The following LRRC32 variants were observed in gnomAD, a reference collection of about 807,000 sequenced individuals.
LRRC32 encodes leucine rich repeat containing 32.
Under a neutral mutation model 15.0 loss-of-function variants are expected in LRRC32, and 5 were observed. The observed-to-expected ratio is 0.33, with a 90% CI of 0.17 to 0.70. The LOEUF (loss-of-function observed/expected upper bound fraction) is 0.70. Ranked by LOEUF, LRRC32 falls within the 30% of genes least tolerant of loss-of-function variation. The pLI is 0.66. For synonymous variants in LRRC32, 391 were observed against 403.9 expected (o/e 0.97, Z 0.38); for missense variants, 803 against 854.2 (o/e 0.94, Z 0.75).
At position 76,669,094 on chromosome 11, in the gene LRRC32, G is replaced by T. The variant is rs531329375; in HGVS notation, c.-5+1520C>A. 2.0e-5 allele frequency among the ~76,000 whole-genome samples: 3 copies of T among 152,352 alleles called. No homozygotes were observed. In the East Asian group the frequency reaches 5.8e-4, roughly 29 times the overall value. On this transcript the variant is annotated intron_variant, in intron 1 of 2. Transcript: ENST00000260061. ...TTGGTGCCCCAGTGTCCTGTCTGCA[G>T]GGTAGGCAGCTGGGTTCCAGTTCTG... is the stretch of plus-strand genomic sequence containing the variant.
chr11:76,666,711 G>A (rs1952632580), intron 1 of LRRC32, among the ~76,000 whole-genome samples: 1 of 152,196 alleles, frequency 6.6e-6, no homozygotes, highest in Admixed American at 6.5e-5. Context: ...CCCTTAGCAG[G>A]GTTAAATCCC....
Position 76,660,721 on chromosome 11 carries a change from T to C in LRRC32, c.872A>G (p.His291Arg), listed in dbSNP as rs1220759734. ...GGCTGACCAGCCCTCGGAAGGTGCG[T>C]GGATGCCCTTGCTGTCCTGGGGTGG... The part of the protein sequence containing the change: ...TGPPQDSKGI[H>R]APSEGWSALP... The change falls in exon 3 of 3, where the codon CAC (histidine) becomes CGC (arginine). Residue 291 changes from histidine to arginine, a missense_variant. Transcript: ENST00000260061. 1 of 1,613,814 alleles carries C rather than the reference T, an allele frequency of 6.2e-7. No individual in the cohort carries two copies. The highest frequency in any genetic ancestry group is 2.2e-5 in the East Asian group (1 of 44,842).
Position 76,659,962 on chromosome 11 carries a change from C to T in LRRC32, c.1631G>A (p.Arg544Gln), listed in dbSNP as rs1262360463. The T allele has an allele frequency of 1.9e-6, 3 of 1,614,060 alleles. No homozygotes were observed. The highest frequency in any genetic ancestry group is 1.1e-5 in the South Asian group (1 of 91,074). Residue 544 changes from arginine (R) to glutamine (Q), a missense_variant, in exon 3 of 3, where the codon CGA becomes CAA. Arg to Gln is a conservative substitution (Grantham distance 43). Transcript: ENST00000260061. The part of the protein sequence containing the change: ...QAVSLEVLDL[R>Q]NNSFSLLPGS... ...TGGCAGGAGGCTGAAGCTGTTGTTTCGCAGGTCCAGCACCTCCAGTGACAC... is the reference window on the plus strand; with the variant it reads ...TGGCAGGAGGCTGAAGCTGTTGTTTTGCAGGTCCAGCACCTCCAGTGACAC...
chr11:76,660,841 C>T lies in LRRC32; in HGVS notation c.752G>A (p.Arg251Gln), dbSNP rs141823453. The T allele has an allele frequency of 1.8e-4, 283 of 1,613,998 alleles. 1 individual carries two copies. The highest frequency in any genetic ancestry group is 2.3e-4 in the Non-Finnish European group (267 of 1,180,038). ...GGGGAAATGGAGCAGTTTGTTCTCCCGCAGGTCAAGCCAGGTGAGCTGGAA... is the reference window on the plus strand; with the variant it reads ...GGGGAAATGGAGCAGTTTGTTCTCCTGCAGGTCAAGCCAGGTGAGCTGGAA... Reference protein sequence around the residue: ...AEFQLTWLDLRENKLLHFPDL... With the variant: ...AEFQLTWLDLQENKLLHFPDL... The change falls in exon 3 of 3, where the codon CGG becomes CAG. Residue 251 changes from arginine to glutamine, a missense_variant. Transcript: ENST00000260061.
intron 2 of LRRC32, among the ~76,000 whole-genome samples, chr11:76,665,079 G>A (rs1334618313): frequency 1.3e-5 from 2 of 152,240 alleles, no homozygotes. Context: ...GGCCTTACAA[G>A]TGGATCTAGG....
At position 76,660,313 on chromosome 11, in the gene LRRC32, C is replaced by T. The variant is rs1189658510; in HGVS notation, c.1280G>A (p.Gly427Glu). The T allele has an allele frequency of 3.1e-6, 5 of 1,598,730 alleles. No individual in the cohort carries two copies. Among genetic ancestry groups the T allele is most frequent in the Admixed American group, 1.7e-5 (1 of 57,432 alleles). Residue 427 changes from glycine to glutamate, a missense_variant, in exon 3 of 3, where the codon GGG becomes GAG. Coordinates refer to ENST00000260061, the MANE Select transcript of LRRC32 (RefSeq NM_001128922.2). ...LQGNRVSPCG[G>E]PDEPGPSGCV... ...GCCGGAGGGGCCAGGCTCATCTGGC[C>T]CCCCACAGGGGCTGACTCGGTTCCC...
At position 76,659,535 on chromosome 11, in the gene LRRC32, C is replaced by T; in HGVS notation, c.*69G>A. 6.6e-7 allele frequency: 1 copy of T among 1,508,264 alleles called. No homozygotes were observed. The highest frequency in any genetic ancestry group is 9.0e-7 in the Non-Finnish European group (1 of 1,110,280). The allele number at this position is 1,508,264 out of a possible 1,614,324, so 93.4% of individuals were successfully genotyped here. ...CTGGGATCCCGGATCACTGTGTGAC[C>T]TTGAGTCAGTCCTCACTCTTCTCTG... On this transcript the variant is annotated 3_prime_UTR_variant, in exon 3 of 3. Coordinates refer to ENST00000260061, the MANE Select transcript of LRRC32 (RefSeq NM_001128922.2).
At position 76,659,887 on chromosome 11, in the gene LRRC32, T is replaced by C. The variant is rs1590762566; in HGVS notation, c.1706A>G (p.Gln569Arg). Residue 569 changes from glutamine (Q) to arginine (R), a missense_variant, in exon 3 of 3, where the codon CAG becomes CGG. By Grantham distance (43) the Gln-to-Arg change is conservative. Coordinates refer to ENST00000260061, the MANE Select transcript of LRRC32 (RefSeq NM_001128922.2). ...GCCGCAGCAGCTGAGTGGATTCCCC[T>C]GCAGGTAGAGGCGCCGGAGGCTGGT... Reference protein sequence around the residue: ...LETSLRRLYLQGNPLSCCGNG... With the variant: ...LETSLRRLYLRGNPLSCCGNG... 6.2e-7 allele frequency: 1 copy of C among 1,613,942 alleles called. No homozygotes were observed. Among genetic ancestry groups the C allele is most frequent in the Admixed American group, 1.7e-5 (1 of 60,030 alleles).
rs533407564 is a variant in LRRC32 at position 76,665,925 on chromosome 11, G to A, written c.30C>T (p.Ala10=). MRPQILLLL[A]LLTLGLAAQH... is the part of the protein sequence containing the mutation. ...GTGCAGCCAGGCCTAGGGTCAGCAG[G>A]GCCAGGAGCAGCAGGATCTGGGGTC... Residue 10 remains alanine (A), a synonymous_variant, in exon 2 of 3, where the codon GCC becomes GCT. Coordinates refer to ENST00000260061, the MANE Select transcript of LRRC32 (RefSeq NM_001128922.2). 4 of 1,614,050 alleles carry A rather than the reference G, an allele frequency of 2.5e-6. No homozygotes were observed. The highest frequency in any genetic ancestry group is 2.7e-5 in the African/African-American group (2 of 75,008).
chr11:76,668,459 C>T (rs1952660486), intron 1 of LRRC32, among the ~76,000 whole-genome samples: 1 of 152,122 alleles, frequency 6.6e-6, no homozygotes, highest in Admixed American at 6.5e-5. Flanking sequence ...AGGCTATCCA[C>T]AGTCTCCTCT....
Position 76,659,996 on chromosome 11 carries a change from T to C in LRRC32, c.1597A>G (p.Thr533Ala). Reference sequence around the variant, plus strand: ...AGCACCTCCAGTGACACAGCCTGTGTCCAGGCGGGAAGGTGGCTCAGGCGG... The same window carrying C: ...AGCACCTCCAGTGACACAGCCTGTGCCCAGGCGGGAAGGTGGCTCAGGCGG... ...ENRLSHLPAWTQAVSLEVLDL... is the reference protein window; with the variant it reads ...ENRLSHLPAWAQAVSLEVLDL... Residue 533 changes from threonine (T) to alanine (A), a missense_variant, in exon 3 of 3, where the codon ACA becomes GCA. Transcript: ENST00000260061. 1.2e-6 allele frequency: 2 copies of C among 1,614,098 alleles called. No homozygotes were observed. Among genetic ancestry groups the C allele is most frequent in the Non-Finnish European group, 1.7e-6 (2 of 1,180,028 alleles).
In LRRC32 at chr11:76,661,089, G is replaced by A. The variant is rs1196167392; in HGVS notation, c.504C>T (p.Thr168=). 12 of 1,613,996 alleles carry A rather than the reference G, an allele frequency of 7.4e-6. No homozygotes were observed. Among genetic ancestry groups the A allele is most frequent in the Non-Finnish European group, 1.0e-5 (12 of 1,180,022 alleles). Residue 168 remains threonine (T), a synonymous_variant, in exon 3 of 3, where the codon ACC becomes ACT. Transcript: ENST00000260061. The stretch of plus-strand genomic sequence containing the variant: ...GCTCCAGCGCAGGCATGTCCCGGAA[G>A]GTGTGGCGGGTGAGGCGAGTCAGAC... ...ENSLTRLTRH[T]FRDMPALEQL... is the part of the protein sequence containing the mutation.
At chr11:76,670,281 G>T (rs575925379) in intron 1 of LRRC32, among the ~76,000 whole-genome samples, 8 of 152,354 alleles carry the variant, frequency 5.3e-5, no homozygotes, top group Non-Finnish European at 1.2e-4. Flanking sequence ...GGATCGGAGC[G>T]TTGCAGGAAA....
intron 1 of LRRC32, among the ~76,000 whole-genome samples, chr11:76,667,198 T>G (rs1321695946): frequency 2.6e-5 from 4 of 152,180 alleles, no homozygotes; most frequent in Non-Finnish European, 5.9e-5. Flanking sequence ...TCACAAAAAT[T>G]CAATGACTTG....
chr11:76,664,547 G>A (rs1413675221), intron 2 of LRRC32, among the ~76,000 whole-genome samples: 2 of 152,198 alleles, frequency 1.3e-5, no homozygotes, highest in Non-Finnish European at 2.9e-5. Flanking sequence ...GATCATGGGA[G>A]GAAAGCAGAG....
Position 76,658,460 on chromosome 11 carries a change from G to C in LRRC32, c.*1144C>G, listed in dbSNP as rs531187927. 3.9e-5 allele frequency: 6 copies of C among 152,534 alleles called. No individual in the cohort carries two copies. The highest frequency in any genetic ancestry group is 2.6e-4 in the Admixed American group (4 of 15,312). The allele number at this position is 152,534 out of a possible 1,614,324, so 9.4% of individuals were successfully genotyped here. A position where few individuals can be genotyped will look rare whatever the true frequency, so the allele number is the denominator to read the frequency against. ...GAGAGAGCAGGTGTGCACAGCACAGGATGCTTCCAGACCCTGCTCGGGCTA... is the reference window on the plus strand; with the variant it reads ...GAGAGAGCAGGTGTGCACAGCACAGCATGCTTCCAGACCCTGCTCGGGCTA... On this transcript the variant is annotated 3_prime_UTR_variant, in exon 3 of 3. Transcript: ENST00000260061.
chr11:76,665,757 T>C, intron 2 of LRRC32, 114 bp downstream of exon 2: 1 of 1,491,370 alleles, frequency 6.7e-7, no homozygotes, highest in Non-Finnish European at 9.2e-7. Context: ...GCAAGGTACA[T>C]TCCCTTTCCT....
Position 76,659,687 on chromosome 11 carries a change from G to A in LRRC32, c.1906C>T (p.Leu636=). The change falls in exon 3 of 3, where the codon CTG becomes TTG. Residue 636 remains leucine (L), a synonymous_variant. Coordinates refer to ENST00000260061, the MANE Select transcript of LRRC32 (RefSeq NM_001128922.2). ...GTGGTGAGGAGGATGGCAGAGACCAGTATGAAGGTGAGGATGATGATGAGG... is the reference window on the plus strand; with the variant it reads ...GTGGTGAGGAGGATGGCAGAGACCAATATGAAGGTGAGGATGATGATGAGG... ...INLIIILTFI[L]VSAILLTTLA... 2 of 1,614,188 alleles carry A rather than the reference G, an allele frequency of 1.2e-6. No individual in the cohort carries two copies. Among genetic ancestry groups the A allele is most frequent in the Non-Finnish European group, 1.7e-6 (2 of 1,179,994 alleles).
At chr11:76,665,780 C>T (rs1385812702) in intron 2 of LRRC32, 91 bp downstream of exon 2, 1 of 1,582,850 alleles carries the variant, frequency 6.3e-7, no homozygotes, top group East Asian at 2.3e-5. Flanking sequence ...CCTGACTCTT[C>T]TAACTTCTGG....
Sources: allele counts gnomAD v4.1 joint callset (sites outside exome capture counted in the v4.1 genomes callset), GRCh38; gene constraint gnomAD v4.1.1; transcripts MANE v1.5; gene names NCBI Gene and HGNC (gene_info 2026-07-23, HGNC 2026-07-21).